RABGAP1L: variants seen among roughly 807,000 people sequenced by gnomAD.
The protein encoded by RABGAP1L is rab GTPase-activating protein 1-like.
RABGAP1L carries 63 observed loss-of-function variants against 137.7 expected under a neutral mutation model. That is an observed-to-expected ratio of 0.46 (90% CI 0.37 to 0.56). The LOEUF (loss-of-function observed/expected upper bound fraction) is 0.56, where lower values mean the gene tolerates loss of function less well. RABGAP1L is among the 20% of genes least tolerant of loss of function. The pLI is 0.00. For missense variants in RABGAP1L, 1,095 were observed against 1,244.0 expected, an observed-to-expected ratio of 0.88 and a Z score of 1.80; for synonymous variants, 431 against 433.7, an observed-to-expected ratio of 0.99 and a Z score of 0.08.
chr1:174,876,361 A>T (rs1653109025), intron 19 of RABGAP1L, among the ~76,000 whole-genome samples: 1 of 152,190 alleles, frequency 6.6e-6, no homozygotes, highest in Non-Finnish European at 1.5e-5. Context: ...CAGTGTCATG[A>T]TCTAGAAAAA....
At chr1:174,405,706 G>A (rs191516878) in intron 13 of RABGAP1L, among the ~76,000 whole-genome samples, 146 of 152,240 alleles carry the variant, frequency 9.6e-4, no homozygotes, top group African/African-American at 3.3e-3. Flanking sequence ...GGCTGGGTGC[G>A]GTGGCTCACA....
At chr1:174,796,186 G>A (rs1688227936) in intron 18 of RABGAP1L, among the ~76,000 whole-genome samples, 1 of 152,132 alleles carries the variant, frequency 6.6e-6, no homozygotes, top group Non-Finnish European at 1.5e-5. Flanking sequence ...TTTCTGTGAA[G>A]TGTTCTGTTG....
intron 10 of RABGAP1L, among the ~76,000 whole-genome samples, chr1:174,284,616 C>T (rs925496419): frequency 6.6e-6 from 1 of 151,746 alleles, no homozygotes; most frequent in Admixed American, 6.6e-5. Flanking sequence ...CATGTGGTAG[C>T]TCTATTTTTA....
chr1:174,873,305 G>A (rs559889954), intron 19 of RABGAP1L, among the ~76,000 whole-genome samples: 6 of 151,946 alleles, frequency 3.9e-5, no homozygotes, highest in Admixed American at 2.0e-4. Flanking sequence ...TCCTGACCTC[G>A]TGATCCACCC....
chr1:174,976,306 T>C (rs1489255592), intron 22 of RABGAP1L, 124 bp downstream of exon 22: 2 of 788,064 alleles, frequency 2.5e-6, no homozygotes, highest in Admixed American at 2.8e-5. Flanking sequence ...GTAATGTAAG[T>C]AGTTGAGTGT....
intron 18 of RABGAP1L, 94 bp from the exon 19 acceptor site, chr1:174,811,738 A>G (rs1251706407): frequency 8.0e-7 from 1 of 1,249,330 alleles, no homozygotes; most frequent in Non-Finnish European, 1.1e-6. Context: ...TTAGCTATAA[A>G]AGTATATTCA....
rs183431758 is a variant in RABGAP1L at position 174,859,166 on chromosome 1, C to A, written c.2340+47206C>A. Among the ~76,000 whole-genome samples the A allele has an allele frequency of 1.2e-3, 183 of 152,212 alleles. 1 individual carries two copies. Among genetic ancestry groups the A allele is most frequent in the Non-Finnish European group, 1.9e-3 (130 of 67,996 alleles). ...CAAAGACATGGAATCAACTTAAATG[C>A]CCATCAGTGATAGACTGTTTAAAGA... On this transcript the variant is annotated intron_variant, in intron 19 of 25. Transcript: ENST00000681986.
chr1:174,195,063 G>C (rs1667470896), intron 1 of RABGAP1L, among the ~76,000 whole-genome samples: 3 of 152,168 alleles, frequency 2.0e-5, no homozygotes, highest in Admixed American at 1.3e-4. Context: ...TTTTCAGGAA[G>C]AGTATATTAT....
intron 14 of RABGAP1L, among the ~76,000 whole-genome samples, chr1:174,670,186 C>G (rs2148444480): frequency 6.6e-6 from 1 of 151,546 alleles, no homozygotes; most frequent in African/African-American, 2.4e-5. Flanking sequence ...ATATACAGAT[C>G]TTTCACTTCC....
intron 13 of RABGAP1L, among the ~76,000 whole-genome samples, chr1:174,620,267 C>T (rs1316362214): frequency 6.6e-6 from 1 of 152,206 alleles, no homozygotes; most frequent in African/African-American, 2.4e-5. Flanking sequence ...TTGAACTCAG[C>T]TCTGCACCAA....
intron 2 of RABGAP1L, 172 bp from the exon 3 acceptor site, chr1:174,220,800 T>G (rs927763254): frequency 6.2e-6 from 3 of 483,812 alleles, no homozygotes; most frequent in African/African-American, 2.0e-5. Flanking sequence ...TAATTTAGTT[T>G]TATAACCAGG....
chr1:174,553,367 C>G (rs1666678467), intron 13 of RABGAP1L, among the ~76,000 whole-genome samples: 1 of 152,120 alleles, frequency 6.6e-6, no homozygotes, highest in Admixed American at 6.5e-5. Flanking sequence ...TTACGTTTTG[C>G]ATTTAAGTCT....
At position 174,957,516 on chromosome 1, in the gene RABGAP1L, G is replaced by A; in HGVS notation, c.2400G>A (p.Gln800=). ...EKEYQTMRES[Q]LQQEDPMDRY... ...AATATCAGACAATGCGAGAGAGTCA[G>A]CTGCAACAGGAAGACCCAATGGATA... Residue 800 remains glutamine, a synonymous_variant, in exon 20 of 26, where the codon CAG becomes CAA. Transcript: ENST00000681986. 1 of 1,613,054 alleles carries A rather than the reference G, an allele frequency of 6.2e-7. No individual in the cohort carries two copies. Among genetic ancestry groups the A allele is most frequent in the Non-Finnish European group, 8.5e-7 (1 of 1,179,092 alleles).
chr1:174,411,644 TTG>T (rs895339142), intron 13 of RABGAP1L, among the ~76,000 whole-genome samples: 15 of 152,234 alleles, frequency 9.9e-5, no homozygotes, highest in African/African-American at 3.6e-4. Flanking sequence ...TCTGTTTCTG[TTG>T]TGTCTTTGCC....
At chr1:174,936,271 C>T (rs749909354) in intron 19 of RABGAP1L, among the ~76,000 whole-genome samples, 6 of 152,068 alleles carry the variant, frequency 3.9e-5, no homozygotes, top group Non-Finnish European at 8.8e-5. Context: ...AGTTCGAGAC[C>T]AGCCTGGGCA....
intron 24 of RABGAP1L, 137 bp from the exon 25 acceptor site, chr1:174,988,504 A>C (rs537710948): frequency 4.6e-5 from 36 of 785,294 alleles, no homozygotes; most frequent in Non-Finnish European, 6.6e-5. Context: ...ATTGCAGCAC[A>C]AGAAAAATAA....
At chr1:174,641,104 A>G (rs1478948948) in intron 14 of RABGAP1L, among the ~76,000 whole-genome samples, 1 of 151,620 alleles carries the variant, frequency 6.6e-6, no homozygotes, top group Non-Finnish European at 1.5e-5. Context: ...CCTACACTGG[A>G]GATATAATAT....
At chr1:174,523,256 C>T (rs1228433182) in intron 13 of RABGAP1L, among the ~76,000 whole-genome samples, 1 of 152,206 alleles carries the variant, frequency 6.6e-6, no homozygotes, top group Non-Finnish European at 1.5e-5. Context: ...GTCCGTTCTA[C>T]TGGCCTTCCA....
In RABGAP1L at chr1:174,800,154, C is replaced by T. The variant is rs939214214; in HGVS notation, c.2212-11678C>T. 8 of 1,388,148 alleles carry T rather than the reference C, an allele frequency of 5.8e-6. No individual in the cohort carries two copies. In the African/African-American group the frequency reaches 7.3e-5, roughly 13 times the overall value. 86.0% of individuals were successfully genotyped at this position (1,388,148 alleles called of 1,614,324 possible). A position where few individuals can be genotyped will look rare whatever the true frequency, so the allele number is the denominator to read the frequency against. ...ATTTTCCAGTCTACTTTGGGGTTCT[C>T]GCAGTGGATAATTTAGCCAAAATGT... On this transcript the variant is annotated intron_variant, in intron 18 of 25. Coordinates refer to ENST00000681986, the MANE Select transcript of RABGAP1L (RefSeq NM_001366446.1).
Sources: allele counts gnomAD v4.1 joint callset (sites outside exome capture counted in the v4.1 genomes callset), GRCh38; gene constraint gnomAD v4.1.1; transcripts MANE v1.5; gene names NCBI Gene and HGNC (gene_info 2026-07-23, HGNC 2026-07-21).